ENPP4: variants seen among roughly 807,000 people sequenced by gnomAD.
ENPP4 encodes the protein ectonucleotide pyrophosphatase/phosphodiesterase 4, also known as bis(5'-adenosyl)-triphosphatase ENPP4.
In ENPP4, 18 loss-of-function variants were observed where a neutral mutation model predicts 33.4. That is an observed-to-expected ratio of 0.54 (90% CI 0.37 to 0.80). The LOEUF (loss-of-function observed/expected upper bound fraction) is 0.80, where lower values mean the gene tolerates loss of function less well. ENPP4 is among the 30% of genes least tolerant of loss of function. ENPP4 has a pLI of 0.00. For synonymous variants in ENPP4, 172 were observed against 189.9 expected, an observed-to-expected ratio of 0.91 and a Z score of 0.78; for missense variants, 480 against 541.7, an observed-to-expected ratio of 0.89 and a Z score of 1.13.
chr6:46,143,716 C>A lies in ENPP4; in HGVS notation c.*76C>A. 1 of 1,357,488 alleles carries A rather than the reference C, an allele frequency of 7.4e-7. No homozygotes were observed. Among genetic ancestry groups the A allele is most frequent in the Non-Finnish European group, 1.0e-6 (1 of 993,774 alleles). The allele number at this position is 1,357,488 out of a possible 1,614,324, so 84.1% of individuals were successfully genotyped here. A position where few individuals can be genotyped will look rare whatever the true frequency, so the allele number is the denominator to read the frequency against. Reference sequence around the variant, plus strand: ...ATACATCCAAAGAATAGTGTTGTAACTATGAAAAAGAATACTTTGAAAGAC... The same window carrying A: ...ATACATCCAAAGAATAGTGTTGTAAATATGAAAAAGAATACTTTGAAAGAC... On this transcript the variant is annotated 3_prime_UTR_variant, in exon 4 of 4. Coordinates refer to ENST00000321037, the MANE Select transcript of ENPP4 (RefSeq NM_014936.5).
In ENPP4 at chr6:46,143,542, A is replaced by ACAT; in HGVS notation, c.1265_1267dup (p.Thr422_Cys423insSer). 1 of 1,612,772 alleles carries ACAT rather than the reference A, an allele frequency of 6.2e-7. No homozygotes were observed. The highest frequency in any genetic ancestry group is 8.5e-7 in the Non-Finnish European group (1 of 1,179,020). ...TTCACTCTTGGTGTTAACCATGCTA[A>ACAT]CATGCCTCATAATAATCATGCAGAA... On this transcript the variant is annotated inframe_insertion, in exon 4 of 4. Transcript: ENST00000321037.
chr6:46,144,778 T>C lies in ENPP4; in HGVS notation c.*1138T>C. On this transcript the variant is annotated 3_prime_UTR_variant, in exon 4 of 4. Coordinates refer to ENST00000321037, the MANE Select transcript of ENPP4 (RefSeq NM_014936.5). ...TAGGCTATAGAATAGTTAAGAAATTTTAAACAAAATTTAGTATCTTTTGGT... is the reference window on the plus strand; with the variant it reads ...TAGGCTATAGAATAGTTAAGAAATTCTAAACAAAATTTAGTATCTTTTGGT... 1 of 386,578 alleles carries C rather than the reference T, an allele frequency of 2.6e-6. No individual in the cohort carries two copies. Among genetic ancestry groups the C allele is most frequent in the East Asian group, 3.6e-5 (1 of 27,558 alleles). The allele number at this position is 386,578 out of a possible 1,614,324, so 23.9% of individuals were successfully genotyped here.
Position 46,143,710 on chromosome 6 carries a change from T to G in ENPP4, c.*70T>G. The G allele has an allele frequency of 7.2e-7, 1 of 1,386,514 alleles. No individual in the cohort carries two copies. The highest frequency in any genetic ancestry group is 2.3e-5 in the East Asian group (1 of 43,302). 85.9% of individuals were successfully genotyped at this position (1,386,514 alleles called of 1,614,324 possible). On this transcript the variant is annotated 3_prime_UTR_variant, in exon 4 of 4. Coordinates refer to ENST00000321037, the MANE Select transcript of ENPP4 (RefSeq NM_014936.5). ...CTAAGAATACATCCAAAGAATAGTG[T>G]TGTAACTATGAAAAAGAATACTTTG...
chr6:46,137,888 G>A (rs1339997324), intron 1 of ENPP4, among the ~76,000 whole-genome samples: 1 of 151,756 alleles, frequency 6.6e-6, no homozygotes, highest in Admixed American at 6.6e-5. Flanking sequence ...CACAGCCTCT[G>A]TCAGTATTTG....
Position 46,145,064 on chromosome 6 carries a change from G to A in ENPP4, c.*1424G>A, listed in dbSNP as rs1479234258. 9 of 393,976 alleles carry A rather than the reference G, an allele frequency of 2.3e-5. No homozygotes were observed. The highest frequency in any genetic ancestry group is 2.6e-4 in the South Asian group (2 of 7,696). 24.4% of individuals were successfully genotyped at this position (393,976 alleles called of 1,614,324 possible). A position where few individuals can be genotyped will look rare whatever the true frequency, so the allele number is the denominator to read the frequency against. On this transcript the variant is annotated 3_prime_UTR_variant, in exon 4 of 4. Coordinates refer to ENST00000321037, the MANE Select transcript of ENPP4 (RefSeq NM_014936.5). ...GGGCTCAAGAACCATTCATCAGTACGTGAGACAAGCAGTTAATAGTATGAT... is the reference window on the plus strand; with the variant it reads ...GGGCTCAAGAACCATTCATCAGTACATGAGACAAGCAGTTAATAGTATGAT...
At position 46,143,316 on chromosome 6, in the gene ENPP4, T is replaced by A. The variant is rs764339462; in HGVS notation, c.1038T>A (p.His346Gln). 3.2e-5 allele frequency: 52 copies of A among 1,605,578 alleles called. No individual in the cohort carries two copies. Among genetic ancestry groups the A allele is most frequent in the Non-Finnish European group, 4.3e-5 (51 of 1,173,758 alleles). Residue 346 changes from histidine to glutamine, a missense_variant, in exon 4 of 4, where the codon CAT (histidine) becomes CAA (glutamine). Physicochemically the swap from His to Gln is conservative, Grantham distance 24. Transcript: ENST00000321037. ...HGYDNSLPSM[H>Q]PFLAAHGPAF... ...ATGATAATTCTTTGCCTAGTATGCA[T>A]CCATTTCTAGCTGCCCACGGACCTG...
At chr6:46,137,230 G>A (rs1352137847) in intron 1 of ENPP4, among the ~76,000 whole-genome samples, 1 of 151,830 alleles carries the variant, frequency 6.6e-6, no homozygotes, top group African/African-American at 2.4e-5. Context: ...AGTTACACAG[G>A]GAAAGAGCCA....
Position 46,144,199 on chromosome 6 carries a change from G to T in ENPP4, c.*559G>T, listed in dbSNP as rs1247909295. 1.3e-5 allele frequency: 2 copies of T among 151,058 alleles called. No individual in the cohort carries two copies. Among genetic ancestry groups the T allele is most frequent in the Non-Finnish European group, 3.0e-5 (2 of 67,616 alleles). The allele number at this position is 151,058 out of a possible 1,614,324, so 9.4% of individuals were successfully genotyped here. A position where few individuals can be genotyped will look rare whatever the true frequency, so the allele number is the denominator to read the frequency against. ...AAATAAAATTGGAGCAGACAGAAAA[G>T]ATATAGCAAATGAAGAAATATTTTA... On this transcript the variant is annotated 3_prime_UTR_variant, in exon 4 of 4. Coordinates refer to ENST00000321037, the MANE Select transcript of ENPP4 (RefSeq NM_014936.5).
At position 46,145,115 on chromosome 6, in the gene ENPP4, A is replaced by T. The variant is rs1325452566; in HGVS notation, c.*1475A>T. 5 of 388,456 alleles carry T rather than the reference A, an allele frequency of 1.3e-5. No individual in the cohort carries two copies. Among genetic ancestry groups the T allele is most frequent in the Non-Finnish European group, 2.3e-5 (5 of 219,402 alleles). 24.1% of individuals were successfully genotyped at this position (388,456 alleles called of 1,614,324 possible). A position where few individuals can be genotyped will look rare whatever the true frequency, so the allele number is the denominator to read the frequency against. ...CTTTAAAGTTTTGACAATATAAAAT[A>T]AACTTGGTAACTGTTTTACAAATAT... On this transcript the variant is annotated 3_prime_UTR_variant, in exon 4 of 4. Coordinates refer to ENST00000321037, the MANE Select transcript of ENPP4 (RefSeq NM_014936.5).
At position 46,134,428 on chromosome 6, in the gene ENPP4, A is replaced by C. The variant is rs529396080; in HGVS notation, c.-34+4239A>C. 2.0e-5 allele frequency among the ~76,000 whole-genome samples: 3 copies of C among 152,284 alleles called. No individual in the cohort carries two copies. The South Asian group carries it at 6.2e-4, about 32-fold the overall frequency. On this transcript the variant is annotated intron_variant, in intron 1 of 3. Coordinates refer to ENST00000321037, the MANE Select transcript of ENPP4 (RefSeq NM_014936.5). ...GAGGGATTACTGAGCCACAGGATTA[A>C]CAGCATGTGTTCCTGGAGCATCCTT...
chr6:46,143,134 T>C (rs976434194), intron 3 of ENPP4, 142 bp from the exon 4 acceptor site: 8 of 758,312 alleles, frequency 1.1e-5, no homozygotes, highest in African/African-American at 3.5e-5. Context: ...GAGGGAAATA[T>C]GGAACATAGC....
rs1764106938 is a variant in ENPP4 at position 46,143,916 on chromosome 6, A to G, written c.*276A>G. 4.0e-6 allele frequency: 1 copy of G among 252,908 alleles called. No individual in the cohort carries two copies. The highest frequency in any genetic ancestry group is 2.2e-5 in the African/African-American group (1 of 44,840). The allele number at this position is 252,908 out of a possible 1,614,324, so 15.7% of individuals were successfully genotyped here. A position where few individuals can be genotyped will look rare whatever the true frequency, so the allele number is the denominator to read the frequency against. Reference sequence around the variant, plus strand: ...TCAATCCTAACTAGAAATACTAAAAATGGCTTTTGAGAAAAATACTTCCTC... The same window carrying G: ...TCAATCCTAACTAGAAATACTAAAAGTGGCTTTTGAGAAAAATACTTCCTC... On this transcript the variant is annotated 3_prime_UTR_variant, in exon 4 of 4. Transcript: ENST00000321037.
In ENPP4 at chr6:46,146,640, T is replaced by C. The variant is rs948977692; in HGVS notation, c.*3000T>C. On this transcript the variant is annotated 3_prime_UTR_variant, in exon 4 of 4. Coordinates refer to ENST00000321037, the MANE Select transcript of ENPP4 (RefSeq NM_014936.5). ...CTTTGTTCATGATTTTTAAAATGTG[T>C]GTGAATAAAATCTACCAAAAAATTC... The C allele has an allele frequency of 2.6e-5, 4 of 152,032 alleles. No individual in the cohort carries two copies. The highest frequency in any genetic ancestry group is 2.0e-4 in the Admixed American group (3 of 15,216). The allele number at this position is 152,032 out of a possible 1,614,324, so 9.4% of individuals were successfully genotyped here. A position where few individuals can be genotyped will look rare whatever the true frequency, so the allele number is the denominator to read the frequency against.
Position 46,139,651 on chromosome 6 carries a change from G to C in ENPP4, c.68G>C (p.Ser23Thr), listed in dbSNP as rs371919822. The change falls in exon 2 of 4, where the codon AGT becomes ACT. Residue 23 changes from serine to threonine, a missense_variant. This residue lies in a region of ENPP4 where 227 missense variants were observed against 273.7 expected (regional missense o/e 0.83). Coordinates refer to ENST00000321037, the MANE Select transcript of ENPP4 (RefSeq NM_014936.5). ...ITGFRSDSSS[S>T]LPPKLLLVSF... ...GGTTTTAGAAGTGACTCTTCCTCTA[G>C]TTTGCCACCTAAGTTACTACTAGTA... 19 of 1,610,916 alleles carry C rather than the reference G, an allele frequency of 1.2e-5. No homozygotes were observed. Among genetic ancestry groups the C allele is most frequent in the Non-Finnish European group, 1.4e-5 (17 of 1,178,006 alleles).
intron 1 of ENPP4, among the ~76,000 whole-genome samples, chr6:46,139,341 G>C (rs897531824): frequency 6.6e-6 from 1 of 150,980 alleles, no homozygotes; most frequent in Non-Finnish European, 1.5e-5. Context: ...GAAGGATAGA[G>C]TAGGGCATAT....
chr6:46,141,895 T>C (rs1161946101), intron 3 of ENPP4, among the ~76,000 whole-genome samples: 1 of 151,640 alleles, frequency 6.6e-6, no homozygotes, highest in African/African-American at 2.4e-5. Flanking sequence ...GAAAATAGTT[T>C]AGGCTTTGTG....
At chr6:46,141,291 T>A in intron 3 of ENPP4, 69 bp downstream of exon 3, 1 of 1,143,344 alleles carries the variant, frequency 8.7e-7, no homozygotes, top group Non-Finnish European at 1.3e-6. Context: ...ACTGTTGTGT[T>A]AAGAGGGTAC....
rs6458491 is a variant in ENPP4, at chr6:46,139,255, C to A, written c.-33-296C>A. 0.45 allele frequency among the ~76,000 whole-genome samples: 67,844 copies of A among 151,278 alleles called. 16,482 individuals are homozygous for A. Among genetic ancestry groups the A allele is most frequent in the South Asian group, 0.68 (3,279 of 4,816 alleles). ...CTGCATCTATTTTTATTAAGCCTTT[C>A]GAAGAATTTCTAATGTGGCAAATGA... On this transcript the variant is annotated intron_variant, in intron 1 of 3. Transcript: ENST00000321037.
chr6:46,143,739 G>T lies in ENPP4; in HGVS notation c.*99G>T. ...AACTATGAAAAAGAATACTTTGAAA[G>T]ACAAAGAACTTAGACTAAGCATGTT... On this transcript the variant is annotated 3_prime_UTR_variant, in exon 4 of 4. Coordinates refer to ENST00000321037, the MANE Select transcript of ENPP4 (RefSeq NM_014936.5). The T allele has an allele frequency of 8.1e-7, 1 of 1,230,114 alleles. No individual in the cohort carries two copies. Among genetic ancestry groups the T allele is most frequent in the African/African-American group, 1.5e-5 (1 of 66,166 alleles). 76.2% of individuals were successfully genotyped at this position (1,230,114 alleles called of 1,614,324 possible). A position where few individuals can be genotyped will look rare whatever the true frequency, so the allele number is the denominator to read the frequency against.
Sources: allele counts gnomAD v4.1 joint callset (sites outside exome capture counted in the v4.1 genomes callset), GRCh38; gene constraint gnomAD v4.1.1; regional missense constraint gnomAD v4.1.1; transcripts MANE v1.5; gene names NCBI Gene and HGNC (gene_info 2026-07-23, HGNC 2026-07-21).